Variants in GKAP1 observed in about 807,000 individuals in gnomAD.
The protein encoded by GKAP1 is G kinase-anchoring protein 1.
Under a neutral mutation model 56.7 loss-of-function variants are expected in GKAP1, and 31 were observed. That is an observed-to-expected ratio of 0.55 (90% confidence interval 0.41 to 0.74). GKAP1 has a LOEUF of 0.74. GKAP1 is among the 30% of genes least tolerant of loss of function. The pLI is 0.00. For synonymous variants in GKAP1, 151 were observed against 138.6 expected, an observed-to-expected ratio of 1.09 and a Z score of -0.63; for missense variants, 364 against 402.3, an observed-to-expected ratio of 0.90 and a Z score of 0.82.
chr9:83,803,820 C>G (rs1020712615), intron 3 of GKAP1, among the ~76,000 whole-genome samples: 2 of 151,504 alleles, frequency 1.3e-5, no homozygotes, highest in Admixed American at 1.3e-4. Context: ...GCGCCTCTTC[C>G]CGGCAGCCAT....
chr9:83,784,599 C>T, intron 6 of GKAP1, 116 bp downstream of exon 6: 2 of 755,172 alleles, frequency 2.6e-6, no homozygotes, highest in Non-Finnish European at 4.1e-6. Flanking sequence ...TTACATTCTA[C>T]ATGATACATG....
intron 3 of GKAP1, among the ~76,000 whole-genome samples, chr9:83,802,839 A>C (rs114100872): frequency 6.6e-6 from 1 of 151,922 alleles, no homozygotes. Context: ...TTTAAAAAAA[A>C]AAAATAAAAG....
At chr9:83,781,293 G>C (rs550027310) in intron 6 of GKAP1, among the ~76,000 whole-genome samples, 83 of 152,294 alleles carry the variant, frequency 5.4e-4, no homozygotes, top group Non-Finnish European at 1.1e-3. Flanking sequence ...AACCCAGGAG[G>C]CGGAGGCTGC....
intron 7 of GKAP1, 144 bp from the exon 8 acceptor site, chr9:83,769,114 T>A: frequency 1.7e-6 from 1 of 589,672 alleles, no homozygotes; most frequent in Non-Finnish European, 2.9e-6. Context: ...AAATGACAGC[T>A]AAGAGACAAT....
In GKAP1 at chr9:83,779,612, TACACACACACAC is replaced by T. The variant is rs10546262; in HGVS notation, c.585+758_585+769del. Among the ~76,000 whole-genome samples the T allele has an allele frequency of 3.1e-5, 4 of 127,352 alleles. 1 individual carries two copies. Among genetic ancestry groups the T allele is most frequent in the South Asian group, 2.5e-4 (1 of 3,986 alleles). The allele number at this position is 127,352 out of a possible 152,430, so 83.5% of individuals were successfully genotyped here. ...GTATATGTGTATATATATACACATA[TACACACACACAC>T]ACACACACACACACACATTCTAAAG... is the stretch of plus-strand genomic sequence containing the variant. On this transcript the variant is annotated intron_variant, in intron 7 of 12. Transcript: ENST00000376371.
At chr9:83,802,809 G>A (rs1171740758) in intron 3 of GKAP1, among the ~76,000 whole-genome samples, 1 of 149,992 alleles carries the variant, frequency 6.7e-6, no homozygotes, top group Admixed American at 6.6e-5. Context: ...CTGGACAAGA[G>A]AGAGAGATTC....
At chr9:83,807,973 A>G (rs971189690) in intron 2 of GKAP1, among the ~76,000 whole-genome samples, 19 of 152,238 alleles carry the variant, frequency 1.2e-4, no homozygotes, top group Admixed American at 1.1e-3. Flanking sequence ...AAATCTTTCA[A>G]GTTTTTGGTA....
At position 83,813,733 on chromosome 9, in the gene GKAP1, A is replaced by G. The variant is rs533536661; in HGVS notation, c.-44+3263T>C. ...ATTCTCAATATGCAGGCAGTTCACC[A>G]TAAATAAATATATCTTCTACTATCT... On this transcript the variant is annotated intron_variant, in intron 2 of 12. Transcript: ENST00000376371. Among the ~76,000 whole-genome samples, 15 of 152,236 alleles carry G rather than the reference A, an allele frequency of 9.9e-5. 1 individual carries two copies. In the East Asian group the frequency reaches 2.9e-3, roughly 30 times the overall value.
chr9:83,796,715 C>G (rs1474927535), intron 4 of GKAP1, among the ~76,000 whole-genome samples: 1 of 152,162 alleles, frequency 6.6e-6, no homozygotes, highest in Non-Finnish European at 1.5e-5. Context: ...GATCCGCCCA[C>G]CTAGGCCTCC....
At chr9:83,795,156 C>CAAAAAAAAAA (rs1031439217) in intron 4 of GKAP1, among the ~76,000 whole-genome samples, 1 of 64,492 alleles carries the variant, frequency 1.6e-5, no homozygotes, top group South Asian at 5.2e-4. Context: ...GACTCCATCT[C>CAAAAAAAAAA]AAAAAAAAAA....
chr9:83,806,459 T>C lies in GKAP1; in HGVS notation c.59A>G (p.Gln20Arg). The C allele has an allele frequency of 6.2e-7, 1 of 1,614,092 alleles. No homozygotes were observed. Among genetic ancestry groups the C allele is most frequent in the Non-Finnish European group, 8.5e-7 (1 of 1,179,970 alleles). ...PTTASRFALL[Q>R]VDSGSGSDSE... ...ATCAGAGCCACTGCCACTATCCACT[T>C]GTAACAGGGCAAAACGAGAAGCGGT... is the stretch of plus-strand genomic sequence containing the variant. Residue 20 changes from glutamine to arginine, a missense_variant, in exon 3 of 13, where the codon CAA (glutamine) becomes CGA (arginine). Physicochemically the swap from Gln to Arg is conservative, Grantham distance 43. Transcript: ENST00000376371.
At position 83,803,388 on chromosome 9, in the gene GKAP1, G is replaced by C. The variant is rs542099624; in HGVS notation, c.216+2914C>G. On this transcript the variant is annotated intron_variant, in intron 3 of 12. Transcript: ENST00000376371. ...CTGCCTCAGCCTGCCGAGTGCCTGC[G>C]ATTGCAGGCGTGTGCCACCACGCCT... is the stretch of plus-strand genomic sequence containing the variant. Among the ~76,000 whole-genome samples the C allele has an allele frequency of 5.8e-4, 88 of 152,132 alleles. 1 individual carries two copies. The highest frequency in any genetic ancestry group is 3.4e-3 in the Middle Eastern group (1 of 294).
At chr9:83,796,530 G>A (rs967613141) in intron 4 of GKAP1, among the ~76,000 whole-genome samples, 1 of 152,002 alleles carries the variant, frequency 6.6e-6, no homozygotes, top group African/African-American at 2.4e-5. Flanking sequence ...GAGTGCAATG[G>A]CACAATCTTG....
At chr9:83,751,439 T>A (rs1235651305) in intron 9 of GKAP1, among the ~76,000 whole-genome samples, 1 of 152,214 alleles carries the variant, frequency 6.6e-6, no homozygotes, top group Non-Finnish European at 1.5e-5. Context: ...ATCTACAAGC[T>A]TCTTGCTAAC....
chr9:83,788,394 G>A (rs1944100025), intron 5 of GKAP1, among the ~76,000 whole-genome samples: 1 of 152,020 alleles, frequency 6.6e-6, no homozygotes, highest in Non-Finnish European at 1.5e-5. Context: ...CAAGTCACCG[G>A]ACAAAGCTTA....
At chr9:83,766,748 TC>T (rs1943670164) in intron 8 of GKAP1, among the ~76,000 whole-genome samples, 1 of 152,138 alleles carries the variant, frequency 6.6e-6, no homozygotes, top group Admixed American at 6.6e-5. Context: ...TAGAAAGAGA[TC>T]AATCAAAGGA....
intron 2 of GKAP1, among the ~76,000 whole-genome samples, chr9:83,815,128 C>A (rs1426826515): frequency 6.6e-6 from 1 of 152,082 alleles, no homozygotes; most frequent in Non-Finnish European, 1.5e-5. Flanking sequence ...GCCAAGACTG[C>A]GCCACCACAT....
intron 4 of GKAP1, among the ~76,000 whole-genome samples, chr9:83,798,158 T>C (rs1391261440): frequency 1.3e-5 from 2 of 152,218 alleles, no homozygotes. Flanking sequence ...GTATAGTCTA[T>C]TTTAAAACTG....
intron 3 of GKAP1, among the ~76,000 whole-genome samples, chr9:83,800,685 C>T (rs1944318272): frequency 6.6e-6 from 1 of 152,200 alleles, no homozygotes; most frequent in African/African-American, 2.4e-5. Flanking sequence ...TTTCTCCATA[C>T]ATAGTGAACT....
Sources: gnomAD v4.1 joint callset for allele counts (sites outside exome capture counted in the v4.1 genomes callset) on GRCh38, gnomAD v4.1.1 for gene constraint, MANE v1.5 for transcripts, NCBI Gene and HGNC (gene_info 2026-07-23, HGNC 2026-07-21) for gene names.